Variants in KLF8 observed in about 807,000 individuals in gnomAD.
KLF8 encodes the protein KLF transcription factor 8, also known as Krueppel-like factor 8.
In KLF8, 10 loss-of-function variants were observed where a neutral mutation model predicts 18.2. The ratio of observed to expected loss-of-function variants is 0.55; its 90% CI spans 0.34 to 0.93. The LOEUF (loss-of-function observed/expected upper bound fraction) is 0.93. Ranked by LOEUF, KLF8 falls within the 40% of genes least tolerant of loss-of-function variation. The pLI is 0.02. For missense variants in KLF8, 264 were observed against 277.9 expected, an observed-to-expected ratio of 0.95 and a Z score of 0.36; for synonymous variants, 109 against 97.3, an observed-to-expected ratio of 1.12 and a Z score of -0.71.
At chrX:56,208,450 A>G in the KLF8 span, among the ~76,000 whole-genome samples, 1 of 110,457 alleles carries the variant, frequency 9.1e-6, no homozygotes, top group Non-Finnish European at 1.9e-5. Context: ...CTGCTTTTTT[A>G]TGCTTTAATT....
chrX:56,259,332 G>T (rs1467153571), intron 2 of KLF8, among the ~76,000 whole-genome samples: 2 of 110,672 alleles, frequency 1.8e-5, no homozygotes, highest in Non-Finnish European at 3.8e-5. Context: ...TCACGCCCAA[G>T]AAAATGAACA....
chrX:56,018,682 A>G, the KLF8 span, among the ~76,000 whole-genome samples: 2 of 111,081 alleles, frequency 1.8e-5, no homozygotes, highest in African/African-American at 6.5e-5. Flanking sequence ...TTGCTATACT[A>G]TATGTATATA....
the KLF8 span, among the ~76,000 whole-genome samples, chrX:55,968,555 C>T: frequency 6.3e-5 from 7 of 111,733 alleles, no homozygotes; most frequent in Admixed American, 1.9e-4. Flanking sequence ...GTAATAATCC[C>T]CACATGTCAT....
the KLF8 span, among the ~76,000 whole-genome samples, chrX:55,973,078 A>T: frequency 2.7e-5 from 3 of 112,412 alleles, no homozygotes; most frequent in South Asian, 3.6e-4. Context: ...CAATCATTTG[A>T]TCTTCAACAA....
At chrX:56,133,294 G>A in the KLF8 span, among the ~76,000 whole-genome samples, 3 of 111,998 alleles carry the variant, frequency 2.7e-5, no homozygotes, top group South Asian at 1.1e-3. Context: ...GAATCCAACA[G>A]CATATCAAAG....
chrX:56,074,117 A>C, the KLF8 span, among the ~76,000 whole-genome samples: 1 of 111,680 alleles, frequency 9.0e-6, no homozygotes, highest in Non-Finnish European at 1.9e-5. Context: ...AATCTTCTCA[A>C]GATTTTGGCC....
chrX:56,226,078 G>A, the KLF8 span, among the ~76,000 whole-genome samples: 1 of 111,952 alleles, frequency 8.9e-6, no homozygotes, highest in Non-Finnish European at 1.9e-5. Context: ...GGAGGTTCAA[G>A]GAAGAAGAGT....
At chrX:56,043,500 G>C in the KLF8 span, among the ~76,000 whole-genome samples, 2 of 111,147 alleles carry the variant, frequency 1.8e-5, no homozygotes, top group African/African-American at 6.5e-5. Flanking sequence ...TTTCTCAGAG[G>C]TTTTCTTCAT....
the KLF8 span, among the ~76,000 whole-genome samples, chrX:56,026,607 G>A: frequency 9.0e-6 from 1 of 111,620 alleles, no homozygotes; most frequent in African/African-American, 3.3e-5. Context: ...CACTTTTCCA[G>A]AACTCTGAGG....
At chrX:55,956,352 T>C in the KLF8 span, among the ~76,000 whole-genome samples, 1 of 111,947 alleles carries the variant, frequency 8.9e-6, no homozygotes. Context: ...ATAAAACTGC[T>C]ATGAACATAG....
the KLF8 span, among the ~76,000 whole-genome samples, chrX:56,112,810 T>G: frequency 8.9e-6 from 1 of 112,477 alleles, no homozygotes; most frequent in Non-Finnish European, 1.9e-5. Flanking sequence ...ATTTTAGTTC[T>G]TTTTGTAATG....
chrX:55,963,881 C>G, the KLF8 span, among the ~76,000 whole-genome samples: 1 of 111,681 alleles, frequency 9.0e-6, no homozygotes, highest in African/African-American at 3.3e-5. Context: ...TAAGGCAATT[C>G]TCAACAATTT....
chrX:56,124,771 G>C, the KLF8 span, among the ~76,000 whole-genome samples: 8 of 111,919 alleles, frequency 7.1e-5, no homozygotes, highest in Admixed American at 7.6e-4. Flanking sequence ...CAGAGAAAAT[G>C]ATTTTTTTTA....
the KLF8 span, among the ~76,000 whole-genome samples, chrX:55,944,108 A>T: frequency 1.8e-5 from 2 of 110,880 alleles, no homozygotes; most frequent in Non-Finnish European, 3.8e-5. Context: ...TTTGTCTTTG[A>T]TTCTGTTTAT....
the KLF8 span, among the ~76,000 whole-genome samples, chrX:56,098,458 G>A: frequency 2.7e-5 from 3 of 111,601 alleles, no homozygotes; most frequent in Non-Finnish European, 5.6e-5. Context: ...GATACACCAT[G>A]TTTACAAATT....
Position 56,269,450 on chromosome X carries a change from G to T in KLF8, c.719G>T (p.Gly240Val), listed in dbSNP as rs747609626. The stretch of plus-strand genomic sequence containing the variant: ...AGTGAGGAGAGTACAATTGAGAGTG[G>T]ATCCTCAGCCTTGCAGAGTCTGCAG... ...SDSEESTIES[G>V]SSALQSLQGL... Residue 240 changes from glycine to valine, a missense_variant, in exon 4 of 6, where the codon GGA becomes GTA. Gly to Val is a moderately radical substitution (Grantham distance 109, BLOSUM62 -3). Coordinates refer to ENST00000468660, the MANE Select transcript of KLF8 (RefSeq NM_007250.5). The T allele has an allele frequency of 3.3e-6, 4 of 1,207,997 alleles. No individual in the cohort carries two copies. Among genetic ancestry groups the T allele is most frequent in the Non-Finnish European group, 3.4e-6 (3 of 893,874 alleles).
At chrX:56,173,404 G>T in the KLF8 span, among the ~76,000 whole-genome samples, 1 of 111,821 alleles carries the variant, frequency 8.9e-6, no homozygotes, top group Non-Finnish European at 1.9e-5. Flanking sequence ...AGATCAGATA[G>T]TGGTAGATAA....
chrX:56,198,109 A>C, the KLF8 span, among the ~76,000 whole-genome samples: 1 of 112,212 alleles, frequency 8.9e-6, no homozygotes, highest in African/African-American at 3.2e-5. Context: ...AGAGATATTT[A>C]GGACAAACCT....
the KLF8 span, among the ~76,000 whole-genome samples, chrX:56,213,929 T>G: frequency 9.0e-6 from 1 of 111,259 alleles, no homozygotes; most frequent in African/African-American, 3.3e-5. Flanking sequence ...GATAGTAAAT[T>G]CAGGGGATTT....
Sources: gnomAD v4.1 joint callset for allele counts (sites outside exome capture counted in the v4.1 genomes callset) on GRCh38, gnomAD v4.1.1 for gene constraint, MANE v1.5 for transcripts, NCBI Gene and HGNC (gene_info 2026-07-23, HGNC 2026-07-21) for gene names.